CDH10: variants seen among roughly 807,000 people sequenced by gnomAD.
CDH10 encodes cadherin-10.
A neutral mutation model predicts 73.1 loss-of-function variants in CDH10; 30 were observed. That is an observed-to-expected ratio of 0.41 (90% confidence interval 0.31 to 0.56). CDH10 has a LOEUF of 0.56. CDH10 is among the 20% of genes least tolerant of loss of function. CDH10 has a pLI of 0.27. For synonymous variants in CDH10, 345 were observed against 348.2 expected (o/e 0.99, Z 0.10); for missense variants, 815 against 973.7 (o/e 0.84, Z 2.17).
At chr5:24,505,436 G>A in intron 7 of CDH10, among the ~76,000 whole-genome samples, 188 bp from the exon 8 acceptor site, 1 of 152,132 alleles carries the variant, frequency 6.6e-6, no homozygotes, top group East Asian at 1.9e-4. Context: ...GCATAAATTG[G>A]TACTGCTCTG....
At chr5:24,558,028 A>C (rs1373941501) in intron 2 of CDH10, among the ~76,000 whole-genome samples, 6 of 151,820 alleles carry the variant, frequency 4.0e-5, no homozygotes, top group Non-Finnish European at 7.4e-5. Flanking sequence ...TTTTTTGACT[A>C]TTAGAATTCC....
At chr5:24,544,734 T>C (rs1316211360) in intron 2 of CDH10, among the ~76,000 whole-genome samples, 1 of 152,196 alleles carries the variant, frequency 6.6e-6, no homozygotes, top group Non-Finnish European at 1.5e-5. Context: ...CAACTTGAAT[T>C]ACTCAAGAAC....
intron 7 of CDH10, among the ~76,000 whole-genome samples, chr5:24,505,829 T>C (rs1248925433): frequency 6.6e-6 from 1 of 152,186 alleles, no homozygotes; most frequent in Non-Finnish European, 1.5e-5. Context: ...TAGAAAAGTC[T>C]GGATGGCCGG....
At chr5:24,531,868 A>G (rs981013866) in intron 5 of CDH10, among the ~76,000 whole-genome samples, 2 of 152,092 alleles carry the variant, frequency 1.3e-5, no homozygotes, top group East Asian at 3.9e-4. Context: ...ATATGACATC[A>G]AAATTTCTCA....
At chr5:24,575,187 A>C (rs1332522452) in intron 2 of CDH10, among the ~76,000 whole-genome samples, 3 of 151,632 alleles carry the variant, frequency 2.0e-5, no homozygotes, top group African/African-American at 7.3e-5. Flanking sequence ...CATGGCAAAA[A>C]CCCCTCTCTC....
At chr5:24,613,566 TAA>T (rs1290719735) in intron 1 of CDH10, among the ~76,000 whole-genome samples, 1 of 148,348 alleles carries the variant, frequency 6.7e-6, no homozygotes, top group Non-Finnish European at 1.5e-5. Flanking sequence ...TTATTTACCG[TAA>T]AAGTGAAAGA....
chr5:24,642,853 A>T (rs1347970140), intron 1 of CDH10, among the ~76,000 whole-genome samples: 2 of 151,136 alleles, frequency 1.3e-5, no homozygotes, highest in Admixed American at 6.6e-5. Flanking sequence ...CTATTCTTTG[A>T]TTGAAGTCAG....
At chr5:24,630,655 T>C (rs982671222) in intron 1 of CDH10, among the ~76,000 whole-genome samples, 4 of 149,694 alleles carry the variant, frequency 2.7e-5, no homozygotes, top group Admixed American at 6.7e-5. Context: ...GACTGATCAA[T>C]AGAAACAAAA....
At chr5:24,614,531 G>A (rs1747066314) in intron 1 of CDH10, among the ~76,000 whole-genome samples, 1 of 152,188 alleles carries the variant, frequency 6.6e-6, no homozygotes, top group Non-Finnish European at 1.5e-5. Context: ...TGACTAGCAT[G>A]ACATTGCAGA....
chr5:24,493,158 A>C (rs545057816), intron 9 of CDH10, among the ~76,000 whole-genome samples: 57 of 152,098 alleles, frequency 3.7e-4, no homozygotes, highest in Middle Eastern at 6.8e-3. Flanking sequence ...GTAAATAAAA[A>C]ATATATTATT....
At chr5:24,553,062 C>T (rs558720438) in intron 2 of CDH10, among the ~76,000 whole-genome samples, 4 of 152,242 alleles carry the variant, frequency 2.6e-5, no homozygotes, top group African/African-American at 9.6e-5. Context: ...TGTACATGGA[C>T]TCTCTTGTTG....
At chr5:24,588,392 T>G (rs1303743254) in intron 2 of CDH10, among the ~76,000 whole-genome samples, 1 of 152,176 alleles carries the variant, frequency 6.6e-6, no homozygotes, top group Non-Finnish European at 1.5e-5. Context: ...TTTATGTAGG[T>G]CCTTTTGGTC....
At chr5:24,509,862 G>C in intron 6 of CDH10, 43 bp from the exon 7 acceptor site, 1 of 1,497,310 alleles carries the variant, frequency 6.7e-7, no homozygotes, top group Non-Finnish European at 9.1e-7. Context: ...GAGGGAAATT[G>C]GATGATATGC....
At chr5:24,573,945 C>T (rs1214789456) in intron 2 of CDH10, among the ~76,000 whole-genome samples, 1 of 150,724 alleles carries the variant, frequency 6.6e-6, no homozygotes, top group African/African-American at 2.4e-5. Flanking sequence ...AGTGCAGTGG[C>T]GCGATCTCCG....
intron 8 of CDH10, among the ~76,000 whole-genome samples, chr5:24,503,420 G>T (rs949947803): frequency 6.6e-5 from 10 of 152,082 alleles, no homozygotes; most frequent in Non-Finnish European, 1.5e-4. Flanking sequence ...TGGCTTCATG[G>T]GCCTGTGACC....
intron 2 of CDH10, among the ~76,000 whole-genome samples, chr5:24,582,123 G>GT (rs1244147358): frequency 6.6e-6 from 1 of 152,092 alleles, no homozygotes; most frequent in Non-Finnish European, 1.5e-5. Context: ...ATGTACATGA[G>GT]TATCAGGATA....
chr5:24,533,973 T>G (rs994257493), intron 5 of CDH10, among the ~76,000 whole-genome samples: 7 of 152,034 alleles, frequency 4.6e-5, no homozygotes, highest in Non-Finnish European at 7.4e-5. Flanking sequence ...TCTATATGAA[T>G]TTTGAAATCT....
chr5:24,509,890 A>G, intron 6 of CDH10, 71 bp from the exon 7 acceptor site: 2 of 1,242,788 alleles, frequency 1.6e-6, no homozygotes, highest in East Asian at 2.3e-5. Flanking sequence ...CAGTTACAGT[A>G]TGATTTTTAA....
intron 1 of CDH10, chr5:24,610,029 A>G (rs922022424): frequency 6.6e-6 from 1 of 152,390 alleles, no homozygotes; most frequent in African/African-American, 2.4e-5. Context: ...ACTCCCTCGC[A>G]TATGGCAAGG....
Sources: allele counts gnomAD v4.1 joint callset (sites outside exome capture counted in the v4.1 genomes callset), GRCh38; gene constraint gnomAD v4.1.1; transcripts MANE v1.5; gene names NCBI Gene and HGNC (gene_info 2026-07-23, HGNC 2026-07-21).